ZNF248: variants seen among roughly 807,000 people sequenced by gnomAD.
ZNF248 encodes the protein zinc finger protein 248.
A neutral mutation model predicts 44.3 loss-of-function variants in ZNF248; 20 were observed. That is an observed-to-expected ratio of 0.45 (90% CI 0.32 to 0.66). The LOEUF (loss-of-function observed/expected upper bound fraction) is 0.66, where lower values mean the gene tolerates loss of function less well. Among genes scored for constraint, ZNF248 ranks in the 30% least tolerant of loss-of-function variants. The pLI is 0.04. For synonymous variants in ZNF248, 224 were observed against 229.0 expected (o/e 0.98, Z 0.20); for missense variants, 654 against 677.0 (o/e 0.97, Z 0.38).
chr10:37,853,308 A>G (rs1216890024), intron 3 of ZNF248, among the ~76,000 whole-genome samples: 2 of 152,362 alleles, frequency 1.3e-5, no homozygotes, highest in East Asian at 3.9e-4. Context: ...AGAGGAAAAA[A>G]GATCAATTGC....
intron 6 of ZNF248, chr10:37,818,886 C>A: frequency 9.4e-7 from 1 of 1,064,840 alleles, no homozygotes; most frequent in Non-Finnish European, 1.4e-6. Flanking sequence ...AGCCAAAAGG[C>A]TTCCCTCCAG....
Position 37,829,382 on chromosome 10 carries a change from T to C in ZNF248, c.*2233A>G. The stretch of plus-strand genomic sequence containing the variant: ...CATTAAAATATTTTTAGTTGGAGAA[T>C]TCTGTTTTCCACCAGAAAGAACCAT... On this transcript the variant is annotated 3_prime_UTR_variant, in exon 6 of 6. Coordinates refer to ENST00000395867, the MANE Select transcript of ZNF248 (RefSeq NM_021045.3). 6.1e-6 allele frequency: 6 copies of C among 985,454 alleles called. No individual in the cohort carries two copies. Among genetic ancestry groups the C allele is most frequent in the Non-Finnish European group, 7.2e-6 (6 of 829,944 alleles). The allele number at this position is 985,454 out of a possible 1,614,324, so 61.0% of individuals were successfully genotyped here.
chr10:37,782,954 T>C (rs2047485304), intron 6 of ZNF248, among the ~76,000 whole-genome samples: 3 of 152,076 alleles, frequency 2.0e-5, no homozygotes, highest in African/African-American at 7.2e-5. Flanking sequence ...CTAATACAAA[T>C]GGCAAAGGGA....
chr10:37,773,037 A>G (rs533846574), downstream of ZNF248, among the ~76,000 whole-genome samples: 30 of 152,342 alleles, frequency 2.0e-4, no homozygotes, highest in South Asian at 1.7e-3. Flanking sequence ...ACTTGAGGTC[A>G]GGAGTTTGAG....
At chr10:37,777,997 C>T (rs1347803237) in intron 6 of ZNF248, among the ~76,000 whole-genome samples, 5 of 151,882 alleles carry the variant, frequency 3.3e-5, no homozygotes, top group African/African-American at 7.2e-5. Flanking sequence ...AATAAACATA[C>T]GTGTGCATGT....
At position 37,857,481 on chromosome 10, in the gene ZNF248, CA is replaced by C. The variant is rs2061503269; in HGVS notation, c.-423del. The C allele has an allele frequency of 1.3e-5, 2 of 152,350 alleles. No individual in the cohort carries two copies. Among genetic ancestry groups the C allele is most frequent in the South Asian group, 4.1e-4 (2 of 4,830 alleles). 9.4% of individuals were successfully genotyped at this position (152,350 alleles called of 1,614,324 possible). ...ACAGCACCTAAACAATGAAAGTGCT[CA>C]AAACAACCCCAGGCGGCAAGTATTC... On this transcript the variant is annotated 5_prime_UTR_variant, in exon 1 of 6. Transcript: ENST00000395867.
chr10:37,836,573 C>G (rs2057224359), intron 5 of ZNF248, among the ~76,000 whole-genome samples: 1 of 152,058 alleles, frequency 6.6e-6, no homozygotes, highest in African/African-American at 2.4e-5. Context: ...CATATTAAAG[C>G]CTCATCTCTA....
intron 3 of ZNF248, among the ~76,000 whole-genome samples, chr10:37,850,262 T>C (rs758313778): frequency 6.6e-6 from 1 of 152,196 alleles, no homozygotes; most frequent in Admixed American, 6.5e-5. Flanking sequence ...CAGTCATAAA[T>C]AGTTGCTAAA....
chr10:37,835,537 T>G (rs963170090), intron 5 of ZNF248, among the ~76,000 whole-genome samples: 7 of 152,306 alleles, frequency 4.6e-5, no homozygotes, highest in African/African-American at 1.7e-4. Context: ...AGAAAAGGGG[T>G]TGGCATATAA....
chr10:37,795,438 C>T (rs1337755393), intron 6 of ZNF248: 3 of 152,122 alleles, frequency 2.0e-5, no homozygotes, highest in Admixed American at 6.5e-5. Flanking sequence ...TGACAACTGA[C>T]TTTTGGAAGA....
intron 6 of ZNF248, among the ~76,000 whole-genome samples, chr10:37,822,092 T>C (rs527310616): frequency 6.6e-6 from 1 of 152,328 alleles, no homozygotes; most frequent in African/African-American, 2.4e-5. Flanking sequence ...TTGCTGAATT[T>C]AGTGTCCCAT....
the ZNF248 span, among the ~76,000 whole-genome samples, chr10:37,771,387 G>A: frequency 6.6e-6 from 1 of 152,104 alleles, no homozygotes; most frequent in South Asian, 2.1e-4. Flanking sequence ...GTCCAACAAC[G>A]ATAGACTGGA....
chr10:37,768,833 G>T, the ZNF248 span, among the ~76,000 whole-genome samples: 4 of 152,168 alleles, frequency 2.6e-5, no homozygotes, highest in African/African-American at 9.7e-5. Context: ...GAATCCAGGA[G>T]CTGGTTTTTT....
intron 6 of ZNF248, among the ~76,000 whole-genome samples, chr10:37,805,295 G>A (rs1043564713): frequency 6.6e-6 from 1 of 152,168 alleles, no homozygotes; most frequent in African/African-American, 2.4e-5. Flanking sequence ...AGGAAAAGAT[G>A]ATCTGTACAA....
chr10:37,844,805 T>C (rs1029136948), intron 3 of ZNF248, among the ~76,000 whole-genome samples: 3 of 152,026 alleles, frequency 2.0e-5, no homozygotes, highest in Non-Finnish European at 1.5e-5. Flanking sequence ...GTGAAAGAAA[T>C]GAACAAACAA....
At chr10:37,819,052 A>G in intron 6 of ZNF248, 3 of 800,818 alleles carry the variant, frequency 3.7e-6, no homozygotes, top group South Asian at 2.7e-5. Context: ...AATTGTAGCT[A>G]TCATCATCCA....
intron 6 of ZNF248, among the ~76,000 whole-genome samples, chr10:37,789,708 A>G (rs528656109): frequency 2.8e-4 from 42 of 152,344 alleles, no homozygotes; most frequent in African/African-American, 9.9e-4. Context: ...TATGAACTCT[A>G]TAACATCAGC....
chr10:37,797,604 C>A (rs182782173), intron 6 of ZNF248, among the ~76,000 whole-genome samples: 2 of 152,004 alleles, frequency 1.3e-5, no homozygotes. Flanking sequence ...TTCTTATATC[C>A]CAACAACAAA....
At chr10:37,815,040 C>T (rs767418849) in intron 6 of ZNF248, among the ~76,000 whole-genome samples, 18 of 152,086 alleles carry the variant, frequency 1.2e-4, no homozygotes, top group Non-Finnish European at 2.1e-4. Flanking sequence ...TGGTGTCCCA[C>T]ATGTCTCTTA....
Sources: allele counts gnomAD v4.1 joint callset (sites outside exome capture counted in the v4.1 genomes callset), GRCh38; gene constraint gnomAD v4.1.1; transcripts MANE v1.5; gene names NCBI Gene and HGNC (gene_info 2026-07-23, HGNC 2026-07-21).